Variants in CUBN observed in about 807,000 individuals in gnomAD.
CUBN encodes 460 kDa receptor.
CUBN carries 282 observed loss-of-function variants against 405.3 expected under a neutral mutation model. The ratio of observed to expected loss-of-function variants is 0.70; its 90% confidence interval spans 0.63 to 0.77. CUBN has a LOEUF of 0.77. CUBN is among the 30% of genes least tolerant of loss of function. The pLI, the probability that CUBN is intolerant of heterozygous loss-of-function variation, is 0.00. For synonymous variants in CUBN, 1,684 were observed against 1,617.0 expected, an observed-to-expected ratio of 1.04 and a Z score of -0.99; for missense variants, 4,514 against 4,475.2, an observed-to-expected ratio of 1.01 and a Z score of -0.25.
chr10:17,116,254 T>A (rs1045860295), intron 6 of CUBN, among the ~76,000 whole-genome samples: 1 of 152,234 alleles, frequency 6.6e-6, no homozygotes, highest in African/African-American at 2.4e-5. Context: ...AAGATTTAAG[T>A]CCAATGATAA....
intron 10 of CUBN, among the ~76,000 whole-genome samples, chr10:17,107,636 T>C (rs1836668306): frequency 6.6e-6 from 1 of 151,858 alleles, no homozygotes; most frequent in African/African-American, 2.4e-5. Flanking sequence ...TAGCTGGGAC[T>C]ACAGGTGCCC....
intron 17 of CUBN, among the ~76,000 whole-genome samples, chr10:17,077,220 G>C (rs1835872309): frequency 6.6e-6 from 1 of 152,090 alleles, no homozygotes; most frequent in Non-Finnish European, 1.5e-5. Flanking sequence ...CAGGTCCCAG[G>C]ATGTTCAGCA....
At chr10:17,087,264 G>A (rs1381584436) in intron 15 of CUBN, among the ~76,000 whole-genome samples, 1 of 152,068 alleles carries the variant, frequency 6.6e-6, no homozygotes, top group Non-Finnish European at 1.5e-5. Context: ...TATCTTGTCA[G>A]TCTACAAATG....
chr10:17,043,623 T>C (rs972405132), intron 26 of CUBN, among the ~76,000 whole-genome samples: 16 of 152,172 alleles, frequency 1.1e-4, no homozygotes, highest in African/African-American at 3.9e-4. Context: ...AGTTAAACGA[T>C]TCACAGAAGA....
At chr10:16,963,879 T>G (rs1398309970) in intron 31 of CUBN, among the ~76,000 whole-genome samples, 1 of 152,214 alleles carries the variant, frequency 6.6e-6, no homozygotes, top group African/African-American at 2.4e-5. Context: ...TGTATGGATA[T>G]ATGCATATAA....
At chr10:16,916,754 T>C (rs1395820985) in intron 45 of CUBN, among the ~76,000 whole-genome samples, 1 of 152,172 alleles carries the variant, frequency 6.6e-6, no homozygotes, top group Non-Finnish European at 1.5e-5. Context: ...GCTCATTTTT[T>C]AAATAAGGAA....
At chr10:16,997,450 G>T (rs1202303574) in intron 28 of CUBN, among the ~76,000 whole-genome samples, 5 of 122,442 alleles carry the variant, frequency 4.1e-5, no homozygotes, top group Middle Eastern at 4.2e-3. Flanking sequence ...AAAAAAAAAA[G>T]GCAGCTTGTG....
chr10:17,069,824 G>A (rs1042380951), intron 19 of CUBN, among the ~76,000 whole-genome samples: 4 of 152,190 alleles, frequency 2.6e-5, no homozygotes, highest in Admixed American at 1.3e-4. Flanking sequence ...GATGAGGTGT[G>A]AGCCACTGTG....
chr10:17,011,096 C>A lies in CUBN; in HGVS notation c.4168+8737G>T, dbSNP rs183212430. 1.6e-4 allele frequency among the ~76,000 whole-genome samples: 24 copies of A among 152,318 alleles called. 2 individuals carry two copies. The East Asian group carries it at 4.6e-3, about 29-fold the overall frequency. ...CTTCTCTTTCCAGTTGATTGAAATA[C>A]ACCAATGAGCTCTAGCATCATGGTT... On this transcript the variant is annotated intron_variant, in intron 28 of 66. Transcript: ENST00000377833.
At chr10:17,101,553 GAA>G (rs1836493607) in intron 13 of CUBN, among the ~76,000 whole-genome samples, 1 of 152,154 alleles carries the variant, frequency 6.6e-6, no homozygotes, top group African/African-American at 2.4e-5. Context: ...TAGTTTGCTG[GAA>G]AAAGTTAATA....
intron 28 of CUBN, among the ~76,000 whole-genome samples, chr10:17,019,066 T>C (rs1458414085): frequency 6.6e-6 from 1 of 152,168 alleles, no homozygotes; most frequent in Non-Finnish European, 1.5e-5. Flanking sequence ...AGGCCTGGGA[T>C]GGGGCCCAAG....
intron 32 of CUBN, among the ~76,000 whole-genome samples, chr10:16,953,673 G>A (rs1196040989): frequency 6.6e-6 from 1 of 151,956 alleles, no homozygotes. Context: ...CCGGGCAACA[G>A]AGCAGATCCC....
intron 58 of CUBN, among the ~76,000 whole-genome samples, chr10:16,871,588 G>A (rs1459070966): frequency 6.6e-6 from 1 of 151,932 alleles, no homozygotes; most frequent in African/African-American, 2.4e-5. Context: ...AACATTTAAT[G>A]TTATTGTAAA....
At chr10:16,831,844 T>TTGTGTG (rs112858105) in intron 64 of CUBN, among the ~76,000 whole-genome samples, 1 of 151,846 alleles carries the variant, frequency 6.6e-6, no homozygotes, top group Non-Finnish European at 1.5e-5. Context: ...GTGTGTGTGT[T>TTGTGTG]TGTGTATGTG....
At chr10:16,841,739 A>G (rs1195985127) in intron 60 of CUBN, among the ~76,000 whole-genome samples, 1 of 151,784 alleles carries the variant, frequency 6.6e-6, no homozygotes, top group African/African-American at 2.4e-5. Flanking sequence ...GCATTTCTTC[A>G]GGTCTTTACT....
intron 27 of CUBN, among the ~76,000 whole-genome samples, chr10:17,028,657 G>T (rs968210269): frequency 6.6e-6 from 1 of 151,498 alleles, no homozygotes; most frequent in Non-Finnish European, 1.5e-5. Flanking sequence ...GGAGGCGGAG[G>T]TTGCAGTGAA....
At chr10:16,838,434 T>C (rs770944243) in intron 62 of CUBN, among the ~76,000 whole-genome samples, 1 of 152,348 alleles carries the variant, frequency 6.6e-6, no homozygotes, top group African/African-American at 2.4e-5. Flanking sequence ...GATGTTCTCC[T>C]GGTATCCATC....
At chr10:17,063,625 C>T (rs1835549759) in intron 22 of CUBN, among the ~76,000 whole-genome samples, 1 of 152,060 alleles carries the variant, frequency 6.6e-6, no homozygotes, top group Admixed American at 6.6e-5. Flanking sequence ...TCCTCCCTGC[C>T]CAATTATTTT....
intron 59 of CUBN, among the ~76,000 whole-genome samples, chr10:16,857,802 C>T (rs938308395): frequency 2.6e-5 from 4 of 151,952 alleles, no homozygotes; most frequent in African/African-American, 9.7e-5. Flanking sequence ...TCTAACTCAG[C>T]GTAGTATTAG....
Sources: gnomAD v4.1 joint callset for allele counts (sites outside exome capture counted in the v4.1 genomes callset) on GRCh38, gnomAD v4.1.1 for gene constraint, MANE v1.5 for transcripts, NCBI Gene and HGNC (gene_info 2026-07-23, HGNC 2026-07-21) for gene names.